The following PTPRD variants were observed in gnomAD, a reference collection of about 807,000 sequenced individuals.
PTPRD encodes the protein protein tyrosine phosphatase receptor type D, also known as receptor-type tyrosine-protein phosphatase delta.
PTPRD carries 34 observed loss-of-function variants against 214.5 expected under a neutral mutation model. That is an observed-to-expected ratio of 0.16 (90% CI 0.12 to 0.21). The LOEUF (loss-of-function observed/expected upper bound fraction) is 0.21, where lower values mean the gene tolerates loss of function less well. Ranked by LOEUF, PTPRD falls within the 10% of genes least tolerant of loss-of-function variation. The pLI is 1.00. For synonymous variants in PTPRD, 1,128 were observed against 845.7 expected, an observed-to-expected ratio of 1.33 and a Z score of -5.79; for missense variants, 2,545 against 2,398.7, an observed-to-expected ratio of 1.06 and a Z score of -1.27.
intron 6 of PTPRD, among the ~76,000 whole-genome samples, chr9:9,740,292 G>T (rs2098380229): frequency 6.6e-6 from 1 of 151,640 alleles, no homozygotes; most frequent in Admixed American, 6.6e-5. Context: ...ATAAACATTT[G>T]AAATATTCAT....
chr9:10,193,888 G>T (rs1013774095), intron 3 of PTPRD, among the ~76,000 whole-genome samples: 1 of 151,980 alleles, frequency 6.6e-6, no homozygotes. Flanking sequence ...AGGAAACATA[G>T]AATCACATGC....
chr9:8,456,199 T>C (rs1450513409), intron 33 of PTPRD, among the ~76,000 whole-genome samples: 13 of 152,192 alleles, frequency 8.5e-5, no homozygotes, highest in Admixed American at 8.5e-4. Context: ...GTCCTTGACC[T>C]GCAGTTTAGT....
chr9:9,979,528 A>T (rs2095470376), intron 4 of PTPRD, among the ~76,000 whole-genome samples: 1 of 152,070 alleles, frequency 6.6e-6, no homozygotes, highest in African/African-American at 2.4e-5. Flanking sequence ...CACAATTAAA[A>T]AATTAAATAC....
chr9:8,902,021 C>G (rs1394854717), intron 11 of PTPRD, among the ~76,000 whole-genome samples: 1 of 152,096 alleles, frequency 6.6e-6, no homozygotes, highest in Non-Finnish European at 1.5e-5. Flanking sequence ...TTCCAGTCAG[C>G]CTTTTTCTAC....
At chr9:8,633,872 A>G (rs17652574) in intron 13 of PTPRD, among the ~76,000 whole-genome samples, 12,118 of 152,036 alleles carry the variant, frequency 0.08, 665 homozygotes, top group Middle Eastern at 0.13. Flanking sequence ...TAAGGTGAAG[A>G]ATTAATGCAT....
chr9:8,777,929 T>TG (rs1176925821), intron 11 of PTPRD, among the ~76,000 whole-genome samples: 5 of 152,218 alleles, frequency 3.3e-5, no homozygotes, highest in Non-Finnish European at 5.9e-5. Context: ...GAAGAAATTT[T>TG]GGGCTCCATC....
At chr9:9,573,344 T>C (rs2087160814) in intron 8 of PTPRD, among the ~76,000 whole-genome samples, 1 of 151,436 alleles carries the variant, frequency 6.6e-6, no homozygotes, top group Non-Finnish European at 1.5e-5. Flanking sequence ...ACTGAAGATA[T>C]TGCTTATGCT....
intron 5 of PTPRD, among the ~76,000 whole-genome samples, chr9:9,917,348 A>T (rs2081201452): frequency 6.7e-6 from 1 of 149,008 alleles, no homozygotes; most frequent in South Asian, 2.1e-4. Context: ...ATAAAATCAG[A>T]AATAAAATCA....
At chr9:9,736,459 C>T (rs1303864199) in intron 6 of PTPRD, among the ~76,000 whole-genome samples, 1 of 151,918 alleles carries the variant, frequency 6.6e-6, no homozygotes, top group Admixed American at 6.6e-5. Flanking sequence ...GGATTGTTTC[C>T]ACTTTGGGGT....
intron 3 of PTPRD, among the ~76,000 whole-genome samples, chr9:10,150,510 G>A (rs1278948153): frequency 3.3e-5 from 5 of 151,912 alleles, no homozygotes; most frequent in South Asian, 2.1e-4. Flanking sequence ...GGGGCCTTTC[G>A]TGGGGCAGGA....
At chr9:9,794,222 T>C (rs2098987100) in intron 5 of PTPRD, among the ~76,000 whole-genome samples, 1 of 150,632 alleles carries the variant, frequency 6.6e-6, no homozygotes, top group Admixed American at 6.6e-5. Context: ...TATATACACG[T>C]ACATATACAT....
At chr9:8,348,848 T>G (rs577217683) in intron 39 of PTPRD, among the ~76,000 whole-genome samples, 29 of 152,296 alleles carry the variant, frequency 1.9e-4, no homozygotes, top group African/African-American at 6.7e-4. Flanking sequence ...TCCTTTTGAT[T>G]TATTCCTCCT....
At chr9:8,689,002 AG>A (rs1443719625) in intron 12 of PTPRD, among the ~76,000 whole-genome samples, 4 of 152,300 alleles carry the variant, frequency 2.6e-5, no homozygotes, top group African/African-American at 9.6e-5. Flanking sequence ...AAACTAATAC[AG>A]GGGCAAAAAA....
intron 12 of PTPRD, among the ~76,000 whole-genome samples, chr9:8,690,452 C>T (rs1263717926): frequency 6.6e-6 from 1 of 151,206 alleles, no homozygotes; most frequent in Non-Finnish European, 1.5e-5. Flanking sequence ...GCATGAACCA[C>T]CAGGAGGGAG....
intron 2 of PTPRD, among the ~76,000 whole-genome samples, chr9:10,424,648 C>T (rs118177665): frequency 0.028 from 4,239 of 151,828 alleles, 76 homozygotes; most frequent in Non-Finnish European, 0.043. Context: ...TGTAATGCAA[C>T]GAAGAACAAG....
intron 3 of PTPRD, among the ~76,000 whole-genome samples, chr9:10,237,274 C>T (rs962818156): frequency 6.6e-5 from 10 of 151,830 alleles, no homozygotes; most frequent in African/African-American, 1.2e-4. Flanking sequence ...AAAAAGGCCA[C>T]AATTATTTTT....
intron 10 of PTPRD, among the ~76,000 whole-genome samples, chr9:9,116,686 T>TG (rs574339750): frequency 1.3e-5 from 2 of 151,788 alleles, no homozygotes; most frequent in South Asian, 2.1e-4. Context: ...TTGTTTTTCT[T>TG]GGGGGGGAAG....
chr9:9,463,016 T>C (rs1236026841), intron 8 of PTPRD, among the ~76,000 whole-genome samples: 3 of 152,116 alleles, frequency 2.0e-5, no homozygotes, highest in Non-Finnish European at 4.4e-5. Context: ...AAAGATTGTT[T>C]GTGGCATCTA....
intron 3 of PTPRD, among the ~76,000 whole-genome samples, chr9:10,077,030 G>GT (rs2098142487): frequency 6.6e-6 from 1 of 152,156 alleles, no homozygotes; most frequent in Non-Finnish European, 1.5e-5. Context: ...CATAGCTGAA[G>GT]GTAAAACACA....
Sources: gnomAD v4.1 joint callset for allele counts (sites outside exome capture counted in the v4.1 genomes callset) on GRCh38, gnomAD v4.1.1 for gene constraint, MANE v1.5 for transcripts, NCBI Gene and HGNC (gene_info 2026-07-23, HGNC 2026-07-21) for gene names.